GDAP1L1: variants seen among roughly 807,000 people sequenced by gnomAD.
GDAP1L1 encodes ganglioside induced differentiation associated protein 1 like 1.
GDAP1L1 carries 21 observed loss-of-function variants against 37.1 expected under a neutral mutation model. The ratio of observed to expected loss-of-function variants is 0.57; its 90% CI spans 0.40 to 0.81. GDAP1L1 has a LOEUF of 0.81. Among genes scored for constraint, GDAP1L1 ranks in the 40% least tolerant of loss-of-function variants. The pLI, the probability that GDAP1L1 is intolerant of heterozygous loss-of-function variation, is 0.00. For synonymous variants in GDAP1L1, 193 were observed against 209.1 expected (o/e 0.92, Z 0.67); for missense variants, 362 against 491.6 (o/e 0.74, Z 2.49).
intron 1 of GDAP1L1, among the ~76,000 whole-genome samples, chr20:44,254,081 C>A (rs1302163014): frequency 6.6e-6 from 1 of 152,220 alleles, no homozygotes; most frequent in Non-Finnish European, 1.5e-5. Flanking sequence ...GAGAAGGGGG[C>A]TTTCTGCTCC....
intron 5 of GDAP1L1, 70 bp from the exon 6 acceptor site, chr20:44,278,887 C>A (rs1457554944): frequency 3.1e-6 from 3 of 969,436 alleles, no homozygotes; most frequent in Non-Finnish European, 4.8e-6. Context: ...GCCAGTGGAG[C>A]TCATGGAGAG....
chr20:44,278,089 A>G (rs1044645784), intron 5 of GDAP1L1, among the ~76,000 whole-genome samples: 57 of 149,618 alleles, frequency 3.8e-4, no homozygotes, highest in African/African-American at 1.3e-3. Flanking sequence ...GGGAGGTAGA[A>G]GTTGCAGTGA....
chr20:44,271,891 G>A (rs1430236871), intron 5 of GDAP1L1, among the ~76,000 whole-genome samples: 3 of 152,196 alleles, frequency 2.0e-5, no homozygotes, highest in Non-Finnish European at 4.4e-5. Context: ...CAGGCAGGAT[G>A]CAGGGACATC....
At chr20:44,257,845 A>G (rs141426344) in intron 2 of GDAP1L1, among the ~76,000 whole-genome samples, 1 of 151,654 alleles carries the variant, frequency 6.6e-6, no homozygotes, top group African/African-American at 2.4e-5. Context: ...AGACAGGGGA[A>G]GGCCCAGACA....
chr20:44,252,337 C>A (rs1053851178), intron 1 of GDAP1L1, among the ~76,000 whole-genome samples: 2 of 151,992 alleles, frequency 1.3e-5, no homozygotes, highest in African/African-American at 4.8e-5. Flanking sequence ...CAGGTGAAAC[C>A]CTGTCTCTCC....
At chr20:44,251,398 C>G (rs1294787556) in intron 1 of GDAP1L1, among the ~76,000 whole-genome samples, 1 of 152,218 alleles carries the variant, frequency 6.6e-6, no homozygotes, top group African/African-American at 2.4e-5. Flanking sequence ...CTGGCCCAGC[C>G]TTCAGATCCC....
chr20:44,258,345 G>T, intron 2 of GDAP1L1, 89 bp from the exon 3 acceptor site: 1 of 1,296,926 alleles, frequency 7.7e-7, no homozygotes, highest in South Asian at 1.3e-5. Flanking sequence ...TCTGGGCAGA[G>T]ACATCTTGGG....
At chr20:44,276,385 A>AGGAAGGAAGG (rs1555801116) in intron 5 of GDAP1L1, among the ~76,000 whole-genome samples, 3 of 147,098 alleles carry the variant, frequency 2.0e-5, no homozygotes, top group East Asian at 2.0e-4. Flanking sequence ...GAAGGAAGGA[A>AGGAAGGAAGG]AAGAAAAGAA....
At chr20:44,262,695 T>C (rs961566492) in intron 3 of GDAP1L1, among the ~76,000 whole-genome samples, 3 of 152,014 alleles carry the variant, frequency 2.0e-5, no homozygotes, top group Non-Finnish European at 4.4e-5. Context: ...TTTTATAATA[T>C]TGCTGATGTG....
chr20:44,247,581 T>G lies in GDAP1L1; in HGVS notation c.180+67T>G. ...GCTTGGGGAGGGGAGCCCCAGGGCT[T>G]GAGGGATCTGAGGGCGGCGAAAGAC... On this transcript the variant is annotated intron_variant, in intron 1 of 5. Transcript: ENST00000342560. The G allele has an allele frequency of 2.9e-6, 4 of 1,360,484 alleles. No homozygotes were observed. The East Asian group carries it at 7.9e-5, about 27-fold the overall frequency. 84.3% of individuals were successfully genotyped at this position (1,360,484 alleles called of 1,614,324 possible). A position where few individuals can be genotyped will look rare whatever the true frequency, so the allele number is the denominator to read the frequency against.
intron 5 of GDAP1L1, chr20:44,265,401 C>T: frequency 1.0e-6 from 1 of 985,448 alleles, no homozygotes; most frequent in Non-Finnish European, 1.2e-6. Context: ...CCGTTTAAGA[C>T]CTGTGATGAG....
rs1366802597 is a variant in GDAP1L1, at chr20:44,255,107, C to G, written c.181-2046C>G. Among the ~76,000 whole-genome samples the G allele has an allele frequency of 2.0e-5, 3 of 152,304 alleles. No individual in the cohort carries two copies. The East Asian group carries it at 5.8e-4, about 29-fold the overall frequency. ...TCTGTCTGCCTCCAAAACCTGCCCTCATACCAGCAGCTAAGACACATTACC... is the reference window on the plus strand; with the variant it reads ...TCTGTCTGCCTCCAAAACCTGCCCTGATACCAGCAGCTAAGACACATTACC... On this transcript the variant is annotated intron_variant, in intron 1 of 5. Coordinates refer to ENST00000342560, the MANE Select transcript of GDAP1L1 (RefSeq NM_024034.6).
At chr20:44,252,870 C>A (rs112767070) in intron 1 of GDAP1L1, among the ~76,000 whole-genome samples, 1 of 151,982 alleles carries the variant, frequency 6.6e-6, no homozygotes, top group Non-Finnish European at 1.5e-5. Flanking sequence ...TGCTCCTACC[C>A]TCCTCGTCTA....
At chr20:44,263,049 G>A (rs2073700780) in intron 3 of GDAP1L1, among the ~76,000 whole-genome samples, 181 bp from the exon 4 acceptor site, 1 of 152,138 alleles carries the variant, frequency 6.6e-6, no homozygotes, top group African/African-American at 2.4e-5. Flanking sequence ...TGAGCTCAGG[G>A]CAGGATGGCA....
intron 5 of GDAP1L1, among the ~76,000 whole-genome samples, chr20:44,272,548 C>A (rs1465559226): frequency 6.6e-6 from 1 of 152,150 alleles, no homozygotes; most frequent in Non-Finnish European, 1.5e-5. Flanking sequence ...TAAAGTGTAA[C>A]CAGTTGGCCT....
At chr20:44,247,822 G>C (rs1314442422) in intron 1 of GDAP1L1, among the ~76,000 whole-genome samples, 2 of 152,076 alleles carry the variant, frequency 1.3e-5, no homozygotes, top group African/African-American at 4.8e-5. Flanking sequence ...AGACAAAGGC[G>C]AGGGGAAGGG....
chr20:44,273,366 G>A (rs932123616), intron 5 of GDAP1L1, among the ~76,000 whole-genome samples: 1 of 152,076 alleles, frequency 6.6e-6, no homozygotes, highest in Admixed American at 6.6e-5. Flanking sequence ...CCTAGTCCCT[G>A]GGCCTGTTCT....
chr20:44,268,347 T>C (rs1443593786), intron 5 of GDAP1L1, among the ~76,000 whole-genome samples: 2 of 152,144 alleles, frequency 1.3e-5, no homozygotes, highest in East Asian at 3.9e-4. Context: ...ATGTTGAGTA[T>C]TTTGCACAGT....
intron 5 of GDAP1L1, among the ~76,000 whole-genome samples, chr20:44,274,065 T>C (rs1299529534): frequency 6.6e-6 from 1 of 152,192 alleles, no homozygotes; most frequent in Non-Finnish European, 1.5e-5. Flanking sequence ...GTGTCTTATA[T>C]TTAATAGTAA....
Sources: allele counts gnomAD v4.1 joint callset (sites outside exome capture counted in the v4.1 genomes callset), GRCh38; gene constraint gnomAD v4.1.1; transcripts MANE v1.5; gene names NCBI Gene and HGNC (gene_info 2026-07-23, HGNC 2026-07-21).